THSD7A: variants seen among roughly 807,000 people sequenced by gnomAD.
THSD7A encodes the protein thrombospondin type-1 domain-containing protein 7A.
In THSD7A, 96 loss-of-function variants were observed where a neutral mutation model predicts 231.3. The ratio of observed to expected loss-of-function variants is 0.41; its 90% CI spans 0.35 to 0.49. The LOEUF is 0.49. Among genes scored for constraint, THSD7A ranks in the 20% least tolerant of loss-of-function variants. The pLI is 0.05. For missense variants in THSD7A, 2,290 were observed against 2,070.2 expected (o/e 1.11, Z -2.06); for synonymous variants, 940 against 743.3 (o/e 1.26, Z -4.30).
chr7:11,745,162 G>T (rs1782245169), intron 1 of THSD7A, among the ~76,000 whole-genome samples: 1 of 152,094 alleles, frequency 6.6e-6, no homozygotes, highest in African/African-American at 2.4e-5. Flanking sequence ...GTATCTCATT[G>T]TGGTTTTGAT....
chr7:11,724,120 TAAA>T (rs1161946549), intron 1 of THSD7A, among the ~76,000 whole-genome samples: 1 of 151,966 alleles, frequency 6.6e-6, no homozygotes, highest in African/African-American at 2.4e-5. Context: ...TATGATATGT[TAAA>T]AGAATATATG....
At chr7:11,739,672 C>A (rs558897643) in intron 1 of THSD7A, among the ~76,000 whole-genome samples, 1 of 151,764 alleles carries the variant, frequency 6.6e-6, no homozygotes, top group Non-Finnish European at 1.5e-5. Flanking sequence ...CTCACCCTGG[C>A]CCCCAAAGTG....
At chr7:11,511,062 G>C (rs1007787780) in intron 6 of THSD7A, among the ~76,000 whole-genome samples, 4 of 152,142 alleles carry the variant, frequency 2.6e-5, no homozygotes, top group African/African-American at 9.7e-5. Flanking sequence ...ATCTCCTTAA[G>C]TTGATAAGCA....
intron 2 of THSD7A, among the ~76,000 whole-genome samples, chr7:11,607,163 T>G (rs2128347231): frequency 6.6e-6 from 1 of 152,278 alleles, no homozygotes; most frequent in South Asian, 2.1e-4. Context: ...AAAATTATAC[T>G]CAGATTTAGT....
intron 1 of THSD7A, among the ~76,000 whole-genome samples, chr7:11,828,668 A>T (rs1033696912): frequency 4.7e-4 from 72 of 152,320 alleles, no homozygotes; most frequent in Non-Finnish European, 8.4e-4. Context: ...CACAGTGGTT[A>T]CATATTTTAG....
intron 1 of THSD7A, among the ~76,000 whole-genome samples, chr7:11,644,191 C>T (rs1010277044): frequency 2.0e-5 from 3 of 151,940 alleles, no homozygotes; most frequent in African/African-American, 7.2e-5. Context: ...ATTTTATACT[C>T]GTTTGGTCAT....
In THSD7A at chr7:11,832,149, G is replaced by A. The variant is rs1286156937; in HGVS notation, c.-203C>T. The A allele has an allele frequency of 1.2e-5, 4 of 344,840 alleles. No homozygotes were observed. Among genetic ancestry groups the A allele is most frequent in the African/African-American group, 2.2e-5 (1 of 46,328 alleles). The allele number at this position is 344,840 out of a possible 1,614,324, so 21.4% of individuals were successfully genotyped here. ...GGTGGCCGTGGCCGCTGCCGCCGCC[G>A]CCGCCGCCTCTGGCGGGGATGCTGC... is the stretch of plus-strand genomic sequence containing the variant. On this transcript the variant is annotated 5_prime_UTR_variant, in exon 1 of 28. Coordinates refer to ENST00000423059, the MANE Select transcript of THSD7A (RefSeq NM_015204.3).
intron 4 of THSD7A, among the ~76,000 whole-genome samples, chr7:11,571,756 G>T (rs1790642248): frequency 6.6e-6 from 1 of 151,948 alleles, no homozygotes; most frequent in African/African-American, 2.4e-5. Context: ...CATTGTCTGA[G>T]ATTTCAACCC....
chr7:11,387,345 C>G (rs1190991344), intron 23 of THSD7A, among the ~76,000 whole-genome samples: 1 of 152,134 alleles, frequency 6.6e-6, no homozygotes, highest in Non-Finnish European at 1.5e-5. Flanking sequence ...TATCCATGAT[C>G]ATGGGATGTT....
chr7:11,686,976 T>C (rs1016032160), intron 1 of THSD7A, among the ~76,000 whole-genome samples: 1 of 151,748 alleles, frequency 6.6e-6, no homozygotes, highest in Non-Finnish European at 1.5e-5. Context: ...AACATGAAAA[T>C]TGGGGAAAAT....
intron 6 of THSD7A, among the ~76,000 whole-genome samples, chr7:11,515,029 A>T (rs1787971946): frequency 6.6e-6 from 1 of 152,152 alleles, no homozygotes; most frequent in Admixed American, 6.5e-5. Context: ...TTTTGCTTTG[A>T]GTGGCATAAG....
In THSD7A at chr7:11,406,431, C is replaced by G. The variant is rs763157038; in HGVS notation, c.4106G>C (p.Cys1369Ser). The G allele has an allele frequency of 6.2e-7, 1 of 1,613,876 alleles. No homozygotes were observed. Among genetic ancestry groups the G allele is most frequent in the Non-Finnish European group, 8.5e-7 (1 of 1,179,834 alleles). The change falls in exon 22 of 28, where the codon TGT (cysteine) becomes TCT (serine). Residue 1369 changes from cysteine (C) to serine (S), a missense_variant. Physicochemically the swap from Cys to Ser is moderately radical, Grantham distance 112. Coordinates refer to ENST00000423059, the MANE Select transcript of THSD7A (RefSeq NM_015204.3). The surrounding 1 kb of genome is among the most constrained non-coding windows in gnomAD (Gnocchi z 4.7). ...ATCAGCTGACCCATCACTTACTACACAAGAAATGTTCCTTGTTCTGGTCCC... is the reference window on the plus strand; with the variant it reads ...ATCAGCTGACCCATCACTTACTACAGAAGAAATGTTCCTTGTTCTGGTCCC... ...GEGTRTRNIS[C>S]VVSDGSADDF...
intron 1 of THSD7A, among the ~76,000 whole-genome samples, chr7:11,756,038 C>T (rs1782663443): frequency 6.6e-6 from 1 of 151,992 alleles, no homozygotes; most frequent in African/African-American, 2.4e-5. Context: ...TAATAAAAGA[C>T]ACTTATCTCA....
intron 16 of THSD7A, 128 bp downstream of exon 16, chr7:11,424,568 C>CA: frequency 1.5e-6 from 2 of 1,303,704 alleles, no homozygotes; most frequent in Non-Finnish European, 2.1e-6. Flanking sequence ...AGCACAGATT[C>CA]CCTAAAAGCA....
At chr7:11,491,364 G>A (rs1786885250) in intron 6 of THSD7A, among the ~76,000 whole-genome samples, 3 of 152,008 alleles carry the variant, frequency 2.0e-5, no homozygotes. Context: ...AGCTCACAGT[G>A]ATCAGTAGGA....
At chr7:11,551,368 C>G (rs558471545) in intron 4 of THSD7A, among the ~76,000 whole-genome samples, 1 of 151,994 alleles carries the variant, frequency 6.6e-6, no homozygotes, top group Admixed American at 6.6e-5. Flanking sequence ...TAAAGAGCTA[C>G]TTCTGCACAG....
intron 1 of THSD7A, among the ~76,000 whole-genome samples, chr7:11,731,491 A>C (rs906101830): frequency 6.6e-6 from 1 of 151,710 alleles, no homozygotes; most frequent in African/African-American, 2.4e-5. Context: ...AGTTACTAAT[A>C]GAAGTTACAT....
At chr7:11,820,839 C>A (rs1177088120) in intron 1 of THSD7A, 4 of 965,344 alleles carry the variant, frequency 4.1e-6, no homozygotes, top group African/African-American at 3.2e-5. Flanking sequence ...TTCTTTGATC[C>A]TTTATAAGTT....
intron 1 of THSD7A, among the ~76,000 whole-genome samples, chr7:11,746,737 A>G (rs1370561007): frequency 6.6e-6 from 1 of 151,824 alleles, no homozygotes; most frequent in Non-Finnish European, 1.5e-5. Context: ...AGGATATTCC[A>G]CTATAAAGTT....
Sources: gnomAD v4.1 joint callset for allele counts (sites outside exome capture counted in the v4.1 genomes callset) on GRCh38, gnomAD v4.1.1 for gene constraint, Gnocchi (gnomAD v3.1) non-coding constraint, MANE v1.5 for transcripts, NCBI Gene and HGNC (gene_info 2026-07-23, HGNC 2026-07-21) for gene names.